Variants in UBL3 observed in about 807,000 individuals in gnomAD.
UBL3 encodes ubiquitin like 3, also known as ubiquitin-like protein 3.
A neutral mutation model predicts 18.4 loss-of-function variants in UBL3; 6 were observed. The observed-to-expected ratio is 0.33, with a 90% confidence interval of 0.18 to 0.64. UBL3 has a LOEUF of 0.64. Ranked by LOEUF, UBL3 falls within the 30% of genes least tolerant of loss-of-function variation. UBL3 has a pLI of 0.76. For synonymous variants in UBL3, 49 were observed against 46.6 expected, an observed-to-expected ratio of 1.05 and a Z score of -0.21; for missense variants, 109 against 142.9, an observed-to-expected ratio of 0.76 and a Z score of 1.21.
chr13:29,824,894 G>A, intron 1 of UBL3, among the ~76,000 whole-genome samples: 1 of 152,152 alleles, frequency 6.6e-6, no homozygotes, highest in Non-Finnish European at 1.5e-5. Flanking sequence ...TAAGGTGTAA[G>A]GAAGGGATCC....
At chr13:29,829,494 C>T (rs755032264) in intron 1 of UBL3, among the ~76,000 whole-genome samples, 2 of 151,866 alleles carry the variant, frequency 1.3e-5, no homozygotes, top group African/African-American at 2.4e-5. Flanking sequence ...AAGCCAGGCG[C>T]GGGATATAAT....
At chr13:29,800,901 T>C (rs1039798189) in intron 1 of UBL3, among the ~76,000 whole-genome samples, 1 of 151,396 alleles carries the variant, frequency 6.6e-6, no homozygotes, top group African/African-American at 2.4e-5. Flanking sequence ...GGCTGGGGAC[T>C]GACAGGGACC....
At chr13:29,836,355 TAAAC>T (rs1205472848) in intron 1 of UBL3, among the ~76,000 whole-genome samples, 4 of 123,950 alleles carry the variant, frequency 3.2e-5, no homozygotes, top group South Asian at 2.3e-4. Flanking sequence ...AATAAATAAA[TAAAC>T]AAATAAATAA....
At chr13:29,846,300 C>A (rs1038502225) in intron 1 of UBL3, among the ~76,000 whole-genome samples, 1 of 151,968 alleles carries the variant, frequency 6.6e-6, no homozygotes, top group African/African-American at 2.4e-5. Flanking sequence ...TCACTCTTAG[C>A]AAAGAAAAAC....
intron 4 of UBL3, 74 bp from the exon 5 acceptor site, chr13:29,767,381 T>C: frequency 6.5e-7 from 1 of 1,545,004 alleles, no homozygotes; most frequent in Non-Finnish European, 8.9e-7. Context: ...GGCAATCAAG[T>C]GTAGGAAGTA....
intron 1 of UBL3, among the ~76,000 whole-genome samples, chr13:29,821,286 GTTTGA>G (rs1565998075): frequency 6.6e-6 from 1 of 152,100 alleles, no homozygotes; most frequent in Non-Finnish European, 1.5e-5. Context: ...TTATATATGT[GTTTGA>G]TTTATTACAC....
At position 29,849,569 on chromosome 13, in the gene UBL3, C is replaced by T. The variant is rs373425011; in HGVS notation, c.-31G>A. Reference sequence around the variant, plus strand: ...CGTTTGATATACACCCAGATGTTTACGAAAAAAACAAACAAAGAAAAAAGA... The same window carrying T: ...CGTTTGATATACACCCAGATGTTTATGAAAAAAACAAACAAAGAAAAAAGA... On this transcript the variant is annotated 5_prime_UTR_variant, in exon 1 of 5. Coordinates refer to ENST00000380680, the MANE Select transcript of UBL3 (RefSeq NM_007106.4). 2.0e-5 allele frequency: 32 copies of T among 1,612,442 alleles called. No homozygotes were observed. Among genetic ancestry groups the T allele is most frequent in the African/African-American group, 2.7e-5 (2 of 74,750 alleles).
chr13:29,776,261 C>T (rs201742168), intron 2 of UBL3, among the ~76,000 whole-genome samples: 28 of 91,674 alleles, frequency 3.1e-4, no homozygotes, highest in South Asian at 4.0e-4. Context: ...TCTTTTCTTT[C>T]TTTTTTTTTT....
chr13:29,772,294 T>C (rs1383396557), intron 2 of UBL3, 96 bp from the exon 3 acceptor site: 1 of 977,352 alleles, frequency 1.0e-6, no homozygotes, highest in African/African-American at 1.7e-5. Context: ...TCAGTTAGAG[T>C]ACAAAGAAGG....
intron 1 of UBL3, among the ~76,000 whole-genome samples, chr13:29,835,184 A>ATCTC (rs1491053465): frequency 2.2e-5 from 2 of 89,596 alleles, no homozygotes; most frequent in East Asian, 3.5e-4. Context: ...ATATATATAT[A>ATCTC]TCTCCACCCT....
intron 1 of UBL3, among the ~76,000 whole-genome samples, chr13:29,816,501 G>A (rs1221122419): frequency 1.3e-5 from 2 of 151,952 alleles, no homozygotes; most frequent in Non-Finnish European, 2.9e-5. Context: ...GCTCATGCCT[G>A]TAATCCCAGC....
intron 3 of UBL3, among the ~76,000 whole-genome samples, chr13:29,769,510 G>A (rs945061867): frequency 1.3e-5 from 2 of 151,988 alleles, no homozygotes; most frequent in South Asian, 2.1e-4. Flanking sequence ...AATCACCCAG[G>A]AATTCAATTC....
intron 1 of UBL3, among the ~76,000 whole-genome samples, chr13:29,810,243 C>T (rs144958823): frequency 2.6e-5 from 4 of 151,896 alleles, no homozygotes; most frequent in East Asian, 1.9e-4. Flanking sequence ...TAACTGGCCA[C>T]GTGATTAAGG....
intron 1 of UBL3, among the ~76,000 whole-genome samples, chr13:29,821,391 T>C (rs958968891): frequency 1.3e-5 from 2 of 152,234 alleles, no homozygotes; most frequent in South Asian, 2.1e-4. Flanking sequence ...CTTTATTTTT[T>C]ACAGCTGTAC....
At chr13:29,775,390 G>A (rs747938715) in intron 2 of UBL3, among the ~76,000 whole-genome samples, 5 of 152,082 alleles carry the variant, frequency 3.3e-5, no homozygotes, top group South Asian at 4.1e-4. Context: ...GAAAAGCTCC[G>A]TATATTATTT....
At chr13:29,849,123 G>C (rs1212691642) in intron 1 of UBL3, among the ~76,000 whole-genome samples, 1 of 152,198 alleles carries the variant, frequency 6.6e-6, no homozygotes, top group Non-Finnish European at 1.5e-5. Context: ...CATAAAGCAA[G>C]ATTCCCGTTT....
At chr13:29,792,417 A>G (rs1663183922) in intron 1 of UBL3, among the ~76,000 whole-genome samples, 1 of 152,236 alleles carries the variant, frequency 6.6e-6, no homozygotes, top group South Asian at 2.1e-4. Context: ...ATAAAAATAA[A>G]TAAATAAATA....
chr13:29,801,688 C>T (rs9314979), intron 1 of UBL3, among the ~76,000 whole-genome samples: 49,042 of 152,032 alleles, frequency 0.32, 9,738 homozygotes, highest in Non-Finnish European at 0.43. Flanking sequence ...ACCCTGAGTG[C>T]TTTAACTATA....
intron 2 of UBL3, among the ~76,000 whole-genome samples, chr13:29,772,940 A>C (rs1245147779): frequency 4.6e-5 from 7 of 152,036 alleles, no homozygotes; most frequent in Non-Finnish European, 1.0e-4. Context: ...GATGGAAACC[A>C]CTCCATTAAA....
Sources: allele counts gnomAD v4.1 joint callset (sites outside exome capture counted in the v4.1 genomes callset), GRCh38; gene constraint gnomAD v4.1.1; transcripts MANE v1.5; gene names NCBI Gene and HGNC (gene_info 2026-07-23, HGNC 2026-07-21).